The following DOT1L variants were observed in gnomAD, a reference collection of about 807,000 sequenced individuals.
The protein encoded by DOT1L is DOT1 like histone lysine methyltransferase.
DOT1L carries 33 observed loss-of-function variants against 153.3 expected under a neutral mutation model. The ratio of observed to expected loss-of-function variants is 0.22; its 90% CI spans 0.16 to 0.29. The LOEUF is 0.29. Among genes scored for constraint, DOT1L ranks in the 10% least tolerant of loss-of-function variants. DOT1L has a pLI of 1.00. For missense variants in DOT1L, 1,847 were observed against 2,119.9 expected (o/e 0.87, Z 2.53); for synonymous variants, 1,135 against 965.1 (o/e 1.18, Z -3.26).
rs752071771 is a variant in DOT1L, at chr19:2,164,223, G to A, written c.39G>A (p.Val13=). 1.6e-6 allele frequency: 2 copies of A among 1,288,668 alleles called. No individual in the cohort carries two copies. The highest frequency in any genetic ancestry group is 5.9e-5 in the East Asian group (2 of 33,670). 79.8% of individuals were successfully genotyped at this position (1,288,668 alleles called of 1,614,324 possible). ...TGGAGCTGAGACTGAAGTCGCCCGT[G>A]GGGGCTGAGCCCGCCGTCTACCCGT... ...EKLELRLKSP[V]GAEPAVYPWP... is the part of the protein sequence containing the mutation. Residue 13 remains valine (V), a synonymous_variant, in exon 1 of 28, where the codon GTG becomes GTA. Transcript: ENST00000398665.
intron 26 of DOT1L, among the ~76,000 whole-genome samples, chr19:2,225,671 A>ACTGGG (rs1208234207): frequency 6.6e-6 from 1 of 151,682 alleles, no homozygotes; most frequent in Non-Finnish European, 1.5e-5. Context: ...GGAGGCCCTC[A>ACTGGG]CTGCAGCCCA....
At position 2,222,089 on chromosome 19, in the gene DOT1L, C is replaced by T. The variant is rs1282440985; in HGVS notation, c.2920C>T (p.Leu974Phe). 6.8e-6 allele frequency: 11 copies of T among 1,613,310 alleles called. No individual in the cohort carries two copies. The East Asian group carries it at 1.3e-4, about 20-fold the overall frequency. Residue 974 changes from leucine to phenylalanine, a missense_variant, in exon 24 of 28, where the codon CTT (leucine) becomes TTT (phenylalanine). Around this residue, in one of 8 missense-constraint regions of DOT1L, gnomAD observed 934 missense variants for 825.3 expected, o/e 1.13. Transcript: ENST00000398665. The surrounding 1 kb of genome is among the most constrained non-coding windows in gnomAD (Gnocchi z 6.5). ...GGATGAGTCCTCCAGCTCTGGGAGCCTTTTTGCCACCGTGGGGTCCCGCAG... is the reference window on the plus strand; with the variant it reads ...GGATGAGTCCTCCAGCTCTGGGAGCTTTTTTGCCACCGTGGGGTCCCGCAG... ...TLDESSSSGSLFATVGSRSST... is the reference protein window; with the variant it reads ...TLDESSSSGSFFATVGSRSST...
intron 1 of DOT1L, among the ~76,000 whole-genome samples, chr19:2,176,944 C>T (rs1409486606): frequency 6.6e-6 from 1 of 152,220 alleles, no homozygotes; most frequent in Non-Finnish European, 1.5e-5. Context: ...AGGGGTCTCA[C>T]AGAAGCAGGA....
intron 27 of DOT1L, 139 bp from the exon 28 acceptor site, chr19:2,229,646 G>C: frequency 6.3e-7 from 1 of 1,589,020 alleles, no homozygotes; most frequent in Non-Finnish European, 8.5e-7. Context: ...AGAGGAGCTG[G>C]CACTATGCCT....
At chr19:2,182,060 T>C (rs1337371231) in intron 2 of DOT1L, among the ~76,000 whole-genome samples, 1 of 150,506 alleles carries the variant, frequency 6.6e-6, no homozygotes, top group African/African-American at 2.4e-5. Flanking sequence ...CTGTCTCTAC[T>C]AAAAAAAAAC....
chr19:2,223,082 T>TG (rs1599617425), intron 24 of DOT1L, among the ~76,000 whole-genome samples, 199 bp from the exon 25 acceptor site: 1 of 138,050 alleles, frequency 7.2e-6, no homozygotes, highest in African/African-American at 2.8e-5. Context: ...GGAGGGGGCA[T>TG]GGGGGGCTCT....
chr19:2,190,235 C>T lies in DOT1L; in HGVS notation c.264+440C>T, dbSNP rs149022834. Among the ~76,000 whole-genome samples, 345 of 152,310 alleles carry T rather than the reference C, an allele frequency of 2.3e-3. 2 individuals are homozygous for T. Among genetic ancestry groups the T allele is most frequent in the African/African-American group, 7.8e-3 (323 of 41,570 alleles). ...TGGGCACCCCGGTCCTGCTGTGTCTCGTGAGGCTTTCCTCACAGAGGACGG... is the reference window on the plus strand; with the variant it reads ...TGGGCACCCCGGTCCTGCTGTGTCTTGTGAGGCTTTCCTCACAGAGGACGG... On this transcript the variant is annotated intron_variant, in intron 4 of 27. Coordinates refer to ENST00000398665, the MANE Select transcript of DOT1L (RefSeq NM_032482.3). This position sits in a 1 kb window ranked among gnomAD's most constrained non-coding sequence, Gnocchi z 4.8.
chr19:2,220,843 A>T lies in DOT1L; in HGVS notation c.2806+621A>T. The stretch of plus-strand genomic sequence containing the variant: ...AGGCTGGTTTGCTGGCCCCAGGTTG[A>T]GATGCGGTATGATGCGGCAGCTACT... On this transcript the variant is annotated intron_variant, in intron 23 of 27. Coordinates refer to ENST00000398665, the MANE Select transcript of DOT1L (RefSeq NM_032482.3). This position sits in a 1 kb window ranked among gnomAD's most constrained non-coding sequence, Gnocchi z 4.5. 3.2e-6 allele frequency: 1 copy of T among 310,096 alleles called. No homozygotes were observed. Among genetic ancestry groups the T allele is most frequent in the Non-Finnish European group, 6.4e-6 (1 of 156,724 alleles). The allele number at this position is 310,096 out of a possible 1,614,324, so 19.2% of individuals were successfully genotyped here.
intron 1 of DOT1L, among the ~76,000 whole-genome samples, chr19:2,178,553 A>G (rs749186688): frequency 2.0e-5 from 3 of 151,396 alleles, no homozygotes; most frequent in Non-Finnish European, 4.4e-5. Context: ...GAGTAGCTGG[A>G]CTACAGGCAC....
rs765087655 is a variant in DOT1L, at chr19:2,220,381, A to T, written c.2806+159A>T. The T allele has an allele frequency of 2.6e-6, 2 of 763,378 alleles. No individual in the cohort carries two copies. Among genetic ancestry groups the T allele is most frequent in the South Asian group, 2.9e-5 (2 of 68,052 alleles). The allele number at this position is 763,378 out of a possible 1,614,324, so 47.3% of individuals were successfully genotyped here. ...CCTCATTACTGACACCCTTTCCTGC[A>T]TCCCACGAGCTGGGATGCGGATCGG... On this transcript the variant is annotated intron_variant, in intron 23 of 27. Transcript: ENST00000398665. This position sits in a 1 kb window ranked among gnomAD's most constrained non-coding sequence, Gnocchi z 4.5.
At chr19:2,227,346 G>A in intron 27 of DOT1L, 2 of 739,940 alleles carry the variant, frequency 2.7e-6, no homozygotes, top group Non-Finnish European at 2.5e-6. Context: ...TTGTAACCGC[G>A]TCCCTCTTGT....
At chr19:2,181,582 G>C (rs2022233645) in intron 2 of DOT1L, among the ~76,000 whole-genome samples, 2 of 151,866 alleles carry the variant, frequency 1.3e-5, no homozygotes, top group Non-Finnish European at 2.9e-5. Context: ...AGGTCGGCCA[G>C]GGTGGGCCTG....
At chr19:2,165,230 G>T (rs1381311954) in intron 1 of DOT1L, among the ~76,000 whole-genome samples, 1 of 152,132 alleles carries the variant, frequency 6.6e-6, no homozygotes, top group African/African-American at 2.4e-5. Flanking sequence ...CGCGAGTTTT[G>T]GGGGGCGCGT....
intron 2 of DOT1L, 95 bp from the exon 3 acceptor site, chr19:2,185,760 C>T: frequency 1.4e-6 from 2 of 1,379,538 alleles, no homozygotes; most frequent in South Asian, 1.2e-5. Flanking sequence ...CAGAGTGAGA[C>T]TCCGTCTCAA....
intron 27 of DOT1L, chr19:2,227,786 C>T: frequency 7.6e-7 from 1 of 1,314,632 alleles, no homozygotes; most frequent in Non-Finnish European, 1.0e-6. Context: ...CGTTTGGAGC[C>T]CGTGTCGGCC....
chr19:2,172,969 T>C (rs1336876871), intron 1 of DOT1L, among the ~76,000 whole-genome samples: 1 of 147,202 alleles, frequency 6.8e-6, no homozygotes, highest in Non-Finnish European at 1.5e-5. Context: ...TGCGCGAGAC[T>C]CCATCTCAAA....
In DOT1L at chr19:2,216,754, G is replaced by A. The variant is rs752813558; in HGVS notation, c.2397G>A (p.Glu799=). 3.1e-6 allele frequency: 5 copies of A among 1,592,318 alleles called. No homozygotes were observed. In the South Asian group the frequency reaches 4.4e-5, roughly 14 times the overall value. Reference sequence around the variant, plus strand: ...TGCCCGGCAGGCCGGCTGCCAGTGAGCTGCATTCGAGGTGAGTGCCCTGGT... The same window carrying A: ...TGCCCGGCAGGCCGGCTGCCAGTGAACTGCATTCGAGGTGAGTGCCCTGGT... ...HTVPGRPAAS[E]LHSRAEHTKE... Residue 799 remains glutamate, a synonymous_variant, in exon 20 of 28, where the codon GAG becomes GAA. Transcript: ENST00000398665.
At chr19:2,179,739 G>GGAGGTTGCAGTGAGCC (rs1215320164) in intron 1 of DOT1L, among the ~76,000 whole-genome samples, 1 of 152,094 alleles carries the variant, frequency 6.6e-6, no homozygotes, top group Admixed American at 6.6e-5. Context: ...CCTGGGAGGT[G>GGAGGTTGCAGTGAGCC]GAGGTTGCAG....
At chr19:2,200,504 C>G (rs1439501328) in intron 8 of DOT1L, among the ~76,000 whole-genome samples, 64 of 152,192 alleles carry the variant, frequency 4.2e-4, no homozygotes, top group Admixed American at 4.2e-3. Context: ...GGCTGGGCCC[C>G]CGTGCTTTCC....
Sources: allele counts gnomAD v4.1 joint callset (sites outside exome capture counted in the v4.1 genomes callset), GRCh38; gene constraint gnomAD v4.1.1; regional missense constraint gnomAD v4.1.1; non-coding constraint Gnocchi (gnomAD v3.1); transcripts MANE v1.5; gene names NCBI Gene and HGNC (gene_info 2026-07-23, HGNC 2026-07-21).